Variants in MATN3 observed in about 807,000 individuals in gnomAD.
MATN3 encodes matrilin 3, also known as matrilin-3.
Under a neutral mutation model 45.3 loss-of-function variants are expected in MATN3, and 48 were observed. The observed-to-expected ratio is 1.06, with a 90% CI of 0.84 to 1.35. The LOEUF (loss-of-function observed/expected upper bound fraction) is 1.35, where lower values mean the gene tolerates loss of function less well. Among genes scored for constraint, MATN3 ranks in the 40% most tolerant of loss-of-function variants. The probability of loss-of-function intolerance (pLI) is 0.00; values close to 1 mark genes in which losing one functional copy is unlikely to be tolerated. For missense variants in MATN3, 599 were observed against 628.0 expected, an observed-to-expected ratio of 0.95 and a Z score of 0.49; for synonymous variants, 217 against 245.9, an observed-to-expected ratio of 0.88 and a Z score of 1.10.
chr2:20,010,066 C>CAAAAAAAAAAAAAAAAAAAAAAAAAAA (rs1558376342), intron 1 of MATN3, among the ~76,000 whole-genome samples: 17 of 5,540 alleles, frequency 3.1e-3, no homozygotes, highest in Non-Finnish European at 3.7e-3. Context: ...TCTTCAAATA[C>CAAAAAAAAAAAAAAAAAAAAAAAAAAA]TAAAAAAAAA....
intron 4 of MATN3, among the ~76,000 whole-genome samples, chr2:20,001,535 C>G (rs1672983335): frequency 6.6e-6 from 1 of 152,174 alleles, no homozygotes; most frequent in South Asian, 2.1e-4. Flanking sequence ...TTGAGCACAG[C>G]ATGTCAGGTC....
chr2:20,003,894 A>G (rs569615332), intron 2 of MATN3: 1 of 152,352 alleles, frequency 6.6e-6, no homozygotes, highest in Admixed American at 6.5e-5. Flanking sequence ...TCCATAGTGA[A>G]CTCATATGCT....
At chr2:20,000,212 T>G (rs1672958415) in intron 5 of MATN3, among the ~76,000 whole-genome samples, 1 of 152,232 alleles carries the variant, frequency 6.6e-6, no homozygotes, top group African/African-American at 2.4e-5. Flanking sequence ...TAGTTAGTTT[T>G]TCTCATATCC....
At position 19,995,464 on chromosome 2, in the gene MATN3, CAAAA is replaced by C. The variant is rs1293300720; in HGVS notation, c.1295-1059_1295-1056del. Among the ~76,000 whole-genome samples, 2 of 149,862 alleles carry C rather than the reference CAAAA, an allele frequency of 1.3e-5. No individual in the cohort carries two copies. On this transcript the variant is annotated intron_variant, in intron 6 of 7. Transcript: ENST00000407540. This position sits in a 1 kb window ranked among gnomAD's most constrained non-coding sequence, Gnocchi z 4.2. ...TGAAATGTCGTCTCAAAAAACAAAA[CAAAA>C]AAAAAGGATAAAAACCAGGTTAAGT...
chr2:20,004,510 C>T (rs1159724211), intron 2 of MATN3, among the ~76,000 whole-genome samples: 1 of 152,174 alleles, frequency 6.6e-6, no homozygotes, highest in Non-Finnish European at 1.5e-5. Flanking sequence ...TGTGAAAGCC[C>T]AGTGTCCTGG....
chr2:20,000,374 T>G, intron 5 of MATN3, 67 bp downstream of exon 5: 1 of 1,435,906 alleles, frequency 7.0e-7, no homozygotes, highest in Non-Finnish European at 9.5e-7. Context: ...ACCTCTTTGC[T>G]GGTGAGTTGC....
At chr2:19,997,063 CAGAA>C in intron 6 of MATN3, 67 bp downstream of exon 6, 1 of 1,527,828 alleles carries the variant, frequency 6.5e-7, no homozygotes, top group Middle Eastern at 2.0e-4. Flanking sequence ...GTGTCTTAGA[CAGAA>C]AGAAAAAAGC....
intron 1 of MATN3, among the ~76,000 whole-genome samples, chr2:20,008,485 T>G (rs1238120680): frequency 1.3e-5 from 2 of 152,232 alleles, no homozygotes; most frequent in African/African-American, 4.8e-5. Flanking sequence ...AATTAAAGCC[T>G]TACCTGGAAC....
At chr2:20,005,357 A>T (rs1453637675) in intron 2 of MATN3, among the ~76,000 whole-genome samples, 1 of 152,314 alleles carries the variant, frequency 6.6e-6, no homozygotes, top group East Asian at 1.9e-4. Context: ...AAAACTAAAA[A>T]AATATGTATC....
At chr2:20,010,307 A>T (rs1673197156) in intron 1 of MATN3, among the ~76,000 whole-genome samples, 1 of 152,162 alleles carries the variant, frequency 6.6e-6, no homozygotes. Flanking sequence ...ATGTTCTTAT[A>T]ACTAAACGTG....
At position 19,995,881 on chromosome 2, in the gene MATN3, A is replaced by G. The variant is rs1334715092; in HGVS notation, c.1294+1253T>C. 1.3e-5 allele frequency among the ~76,000 whole-genome samples: 2 copies of G among 152,346 alleles called. No homozygotes were observed. The highest frequency in any genetic ancestry group is 2.1e-4 in the South Asian group (1 of 4,832). ...ATTCATTAAATATAATCTATCATCT[A>G]TCCACCTGTCTGAATCCTATTGAAC... is the stretch of plus-strand genomic sequence containing the variant. On this transcript the variant is annotated intron_variant, in intron 6 of 7. Coordinates refer to ENST00000407540, the MANE Select transcript of MATN3 (RefSeq NM_002381.5). The surrounding 1 kb of genome is among the most constrained non-coding windows in gnomAD (Gnocchi z 4.2).
intron 6 of MATN3, 42 bp from the exon 7 acceptor site, chr2:19,994,451 G>C (rs776317513): frequency 1.3e-5 from 14 of 1,091,096 alleles, no homozygotes; most frequent in Non-Finnish European, 1.7e-5. Context: ...TCTAGGAATA[G>C]CTATATAGGA....
At chr2:20,004,875 G>A (rs1206402869) in intron 2 of MATN3, among the ~76,000 whole-genome samples, 1 of 152,026 alleles carries the variant, frequency 6.6e-6, no homozygotes, top group Non-Finnish European at 1.5e-5. Context: ...CAACTGCTTG[G>A]ATATTCACAT....
chr2:19,997,224 G>A lies in MATN3; in HGVS notation c.1204C>T (p.Gln402Ter), dbSNP rs1672890624. 2 of 1,613,524 alleles carry A rather than the reference G, an allele frequency of 1.2e-6. No individual in the cohort carries two copies. Among genetic ancestry groups the A allele is most frequent in the African/African-American group, 1.3e-5 (1 of 74,928 alleles). The change falls in exon 6 of 8, where the codon CAG becomes TAG. Residue 402 changes from glutamine (Q) to a stop codon, truncating the protein, a stop_gained. Transcript: ENST00000407540. LOFTEE classifies it high-confidence loss of function. Reference protein sequence around the residue: ...DKCALGSHGCQHICVSDGAAS... With the variant: ...DKCALGSHGC ...GCCCCATCACTCACACAAATGTGCT[G>A]GCAACCATGAGAGCCTAGGGCACAC...
chr2:20,011,526 C>T (rs545594433), intron 1 of MATN3, among the ~76,000 whole-genome samples: 4 of 152,358 alleles, frequency 2.6e-5, no homozygotes, highest in Non-Finnish European at 5.9e-5. Flanking sequence ...CAGCCTGAGG[C>T]ATGCAGCGTG....
In MATN3 at chr2:20,012,161, T is replaced by A. The variant is rs1433173568; in HGVS notation, c.223+248A>T. ...GCCCCTGCGCTCCCCAGCTGCCCTG[T>A]GCTCCTGGCCGAATCACAGGGGAGT... On this transcript the variant is annotated intron_variant, in intron 1 of 7. Coordinates refer to ENST00000407540, the MANE Select transcript of MATN3 (RefSeq NM_002381.5). The surrounding 1 kb of genome is among the most constrained non-coding windows in gnomAD (Gnocchi z 4.3). Among the ~76,000 whole-genome samples, 1 of 152,188 alleles carries A rather than the reference T, an allele frequency of 6.6e-6. No individual in the cohort carries two copies. The highest frequency in any genetic ancestry group is 1.5e-5 in the Non-Finnish European group (1 of 68,008).
At chr2:19,994,918 G>T (rs113979090) in intron 6 of MATN3, among the ~76,000 whole-genome samples, 3 of 151,920 alleles carry the variant, frequency 2.0e-5, no homozygotes, top group Non-Finnish European at 4.4e-5. Flanking sequence ...GCAAGGCCCT[G>T]TCTCTACAAA....
chr2:20,010,880 A>G (rs1673209572), intron 1 of MATN3, among the ~76,000 whole-genome samples: 2 of 152,250 alleles, frequency 1.3e-5, no homozygotes, highest in Non-Finnish European at 2.9e-5. Flanking sequence ...TGGTGGCAGA[A>G]AATTCTGTGA....
chr2:20,005,923 T>C lies in MATN3; in HGVS notation c.611A>G (p.Asn204Ser). 6.2e-7 allele frequency: 1 copy of C among 1,613,656 alleles called. No individual in the cohort carries two copies. The highest frequency in any genetic ancestry group is 1.1e-5 in the South Asian group (1 of 91,008). Residue 204 changes from asparagine (N) to serine (S), a missense_variant, in exon 2 of 8, where the codon AAT becomes AGT. By Grantham distance (46) the Asn-to-Ser change is conservative. Transcript: ENST00000407540. ...TGCTTGGGCCCGAGCCGCCACCTCA[T>C]TCACCTGGTCCTGGGGCCTCCCATC... ...VTDGRPQDQV[N>S]EVAARAQASG...
Sources: allele counts gnomAD v4.1 joint callset (sites outside exome capture counted in the v4.1 genomes callset), GRCh38; gene constraint gnomAD v4.1.1; non-coding constraint Gnocchi (gnomAD v3.1); transcripts MANE v1.5; gene names NCBI Gene and HGNC (gene_info 2026-07-23, HGNC 2026-07-21).